Variants in GAST observed in about 807,000 individuals in gnomAD.
GAST encodes gastrin, also known as preprogastrin.
A neutral mutation model predicts 12.5 loss-of-function variants in GAST; 9 were observed. The ratio of observed to expected loss-of-function variants is 0.72; its 90% CI spans 0.43 to 1.25. The LOEUF is 1.25. GAST is among the 50% of genes most tolerant of loss of function. GAST has a pLI of 0.00. For synonymous variants in GAST, 52 were observed against 51.1 expected (o/e 1.02, Z -0.08); for missense variants, 121 against 127.7 (o/e 0.95, Z 0.25).
intron 1 of GAST, among the ~76,000 whole-genome samples, chr17:41,714,289 C>T (rs1356281977): frequency 6.6e-6 from 1 of 152,146 alleles, no homozygotes; most frequent in Non-Finnish European, 1.5e-5. Context: ...CCTCCCACCT[C>T]GGCCTCCCAA....
intron 1 of GAST, among the ~76,000 whole-genome samples, chr17:41,714,614 A>G (rs1910927673): frequency 6.6e-6 from 1 of 150,794 alleles, no homozygotes; most frequent in African/African-American, 2.5e-5. Context: ...TCTACAAAAA[A>G]TACAAAAAAA....
intron 1 of GAST, among the ~76,000 whole-genome samples, chr17:41,714,500 A>G (rs1303511164): frequency 1.3e-5 from 2 of 152,038 alleles, no homozygotes; most frequent in South Asian, 2.1e-4. Flanking sequence ...GGCTGAGCAC[A>G]GTGGCTCACA....
At chr17:41,714,552 G>A (rs1234029914) in intron 1 of GAST, among the ~76,000 whole-genome samples, 1 of 151,796 alleles carries the variant, frequency 6.6e-6, no homozygotes, top group Non-Finnish European at 1.5e-5. Flanking sequence ...CGGGAGGATT[G>A]CTTGAGCCCA....
At chr17:41,713,008 C>T (rs1474896507) in intron 1 of GAST, among the ~76,000 whole-genome samples, 2 of 152,086 alleles carry the variant, frequency 1.3e-5, no homozygotes, top group Non-Finnish European at 2.9e-5. Flanking sequence ...CTCTGCCTCC[C>T]AGGTTCAAGC....
chr17:41,715,389 G>A, intron 1 of GAST, 43 bp from the exon 2 acceptor site: 2 of 1,518,228 alleles, frequency 1.3e-6, no homozygotes, highest in South Asian at 1.2e-5. Context: ...GGCCTCTGTG[G>A]GGACAGCCTC....
In GAST at chr17:41,714,731, C is replaced by A. The variant is rs143414066; in HGVS notation, c.-5-701C>A. ...TAGAGGCTGCAGTGAGCAGTGATTG[C>A]ACTACTGCACTGCAGCCTGGGCGAC... On this transcript the variant is annotated intron_variant, in intron 1 of 2. Transcript: ENST00000329402. Among the ~76,000 whole-genome samples the A allele has an allele frequency of 5.8e-3, 887 of 152,050 alleles. 5 individuals carry two copies. The highest frequency in any genetic ancestry group is 0.02 in the African/African-American group (835 of 41,498).
Position 41,715,958 on chromosome 17 carries a change from G to C in GAST, c.*86G>C. ...TGAAAAACTGATCAAAAATAAACTA[G>C]TTTCCAGTGGATCAATGGACTGTGT... On this transcript the variant is annotated 3_prime_UTR_variant, in exon 3 of 3. Transcript: ENST00000329402. 4.9e-6 allele frequency: 5 copies of C among 1,024,044 alleles called. No homozygotes were observed. Among genetic ancestry groups the C allele is most frequent in the Non-Finnish European group, 7.2e-6 (5 of 697,556 alleles). The allele number at this position is 1,024,044 out of a possible 1,614,324, so 63.4% of individuals were successfully genotyped here.
intron 1 of GAST, among the ~76,000 whole-genome samples, chr17:41,714,766 C>A (rs1285738918): frequency 6.6e-6 from 1 of 151,478 alleles, no homozygotes; most frequent in Non-Finnish European, 1.5e-5. Flanking sequence ...CAGAGTGAGA[C>A]CCTGTCTCAA....
At chr17:41,715,670 C>T (rs1555585817) in intron 2 of GAST, 23 bp downstream of exon 2, 9 of 1,609,696 alleles carry the variant, frequency 5.6e-6, no homozygotes, top group Non-Finnish European at 7.6e-6. Flanking sequence ...GACTGCCCTG[C>T]TTGCCTCACT....
intron 1 of GAST, among the ~76,000 whole-genome samples, chr17:41,712,684 T>C (rs983719947): frequency 6.6e-6 from 1 of 152,152 alleles, no homozygotes; most frequent in Non-Finnish European, 1.5e-5. Context: ...TTCTCCTTTC[T>C]CTCAGACAAG....
At chr17:41,713,815 T>C (rs943967956) in intron 1 of GAST, among the ~76,000 whole-genome samples, 1 of 152,208 alleles carries the variant, frequency 6.6e-6, no homozygotes, top group African/African-American at 2.4e-5. Flanking sequence ...CCAATCAGAA[T>C]AGTGAGACCA....
chr17:41,714,746 G>A (rs1254754188), intron 1 of GAST, among the ~76,000 whole-genome samples: 2 of 152,058 alleles, frequency 1.3e-5, no homozygotes, highest in African/African-American at 2.4e-5. Flanking sequence ...CTGCACTGCA[G>A]CCTGGGCGAC....
intron 1 of GAST, among the ~76,000 whole-genome samples, chr17:41,712,755 G>T (rs187626084): frequency 1.3e-5 from 2 of 152,280 alleles, no homozygotes; most frequent in Non-Finnish European, 2.9e-5. Context: ...ATTAGGCAAG[G>T]CTGGGATAGG....
chr17:41,715,751 C>G, intron 2 of GAST, 27 bp from the exon 3 acceptor site: 1 of 1,593,332 alleles, frequency 6.3e-7, no homozygotes, highest in Non-Finnish European at 8.5e-7. Flanking sequence ...CATCCTTCCC[C>G]CATTCTCGCC....
Position 41,715,915 on chromosome 17 carries a change from C to G in GAST, c.*43C>G, listed in dbSNP as rs200691368. Reference sequence around the variant, plus strand: ...TTCAGAGCCTAGCCACCTCCCACCCCACTCCAGCCCTGTCCCCTGAAAAAC... The same window carrying G: ...TTCAGAGCCTAGCCACCTCCCACCCGACTCCAGCCCTGTCCCCTGAAAAAC... On this transcript the variant is annotated 3_prime_UTR_variant, in exon 3 of 3. Transcript: ENST00000329402. 2.8e-6 allele frequency: 4 copies of G among 1,430,902 alleles called. No homozygotes were observed. Among genetic ancestry groups the G allele is most frequent in the African/African-American group, 1.4e-5 (1 of 69,768 alleles). The allele number at this position is 1,430,902 out of a possible 1,614,324, so 88.6% of individuals were successfully genotyped here.
Position 41,715,475 on chromosome 17 carries a change from G to T in GAST, c.39G>T (p.Leu13=). 2 of 1,613,916 alleles carry T rather than the reference G, an allele frequency of 1.2e-6. No homozygotes were observed. Among genetic ancestry groups the T allele is most frequent in the Non-Finnish European group, 8.5e-7 (1 of 1,180,010 alleles). ...RLCVYVLIFA[L]ALAAFSEASW... ...GTGTGTATGTGCTGATCTTTGCACT[G>T]GCTCTGGCCGCCTTCTCTGAAGCTT... is the stretch of plus-strand genomic sequence containing the variant. The change falls in exon 2 of 3, where the codon CTG becomes CTT. Residue 13 remains leucine (L), a synonymous_variant. Coordinates refer to ENST00000329402, the MANE Select transcript of GAST (RefSeq NM_000805.5).
chr17:41,715,658 C>T lies in GAST; in HGVS notation c.211+11C>T. On this transcript the variant is annotated intron_variant, in intron 2 of 2. Coordinates refer to ENST00000329402, the MANE Select transcript of GAST (RefSeq NM_000805.5). ...CACACCTCGTGGCAGGTAGGAGCTG[C>T]TGACTGCCCTGCTTGCCTCACTTGG... The T allele has an allele frequency of 6.2e-7, 1 of 1,612,206 alleles. No individual in the cohort carries two copies. Among genetic ancestry groups the T allele is most frequent in the Non-Finnish European group, 8.5e-7 (1 of 1,178,900 alleles).
rs573876197 is a variant in GAST at position 41,713,049 on chromosome 17, G to A, written c.-6+662G>A. ...TCCTGACTCAGCCTCCCGAGTAGCCGGGATTACAGGCGCCTGCCACAACAC... is the reference window on the plus strand; with the variant it reads ...TCCTGACTCAGCCTCCCGAGTAGCCAGGATTACAGGCGCCTGCCACAACAC... On this transcript the variant is annotated intron_variant, in intron 1 of 2. Coordinates refer to ENST00000329402, the MANE Select transcript of GAST (RefSeq NM_000805.5). Among the ~76,000 whole-genome samples, 637 of 152,054 alleles carry A rather than the reference G, an allele frequency of 4.2e-3. 5 individuals carry two copies. Among genetic ancestry groups the A allele is most frequent in the African/African-American group, 0.015 (613 of 41,482 alleles).
intron 1 of GAST, 133 bp from the exon 2 acceptor site, chr17:41,715,299 T>TAAA (rs11286851): frequency 5.4e-6 from 3 of 555,358 alleles, no homozygotes; most frequent in Non-Finnish European, 9.4e-6. Context: ...AAACTCTGTC[T>TAAA]AAAAAAAAAA....
Sources: allele counts gnomAD v4.1 joint callset (sites outside exome capture counted in the v4.1 genomes callset), GRCh38; gene constraint gnomAD v4.1.1; transcripts MANE v1.5; gene names NCBI Gene and HGNC (gene_info 2026-07-23, HGNC 2026-07-21).